The following CTNNA3 variants were observed in gnomAD, a reference collection of about 807,000 sequenced individuals.
CTNNA3 encodes the protein catenin alpha-3.
A neutral mutation model predicts 95.7 loss-of-function variants in CTNNA3; 76 were observed. The observed-to-expected ratio is 0.79, with a 90% CI of 0.66 to 0.96. The LOEUF (loss-of-function observed/expected upper bound fraction) is 0.96, where lower values mean the gene tolerates loss of function less well. Ranked by LOEUF, CTNNA3 falls within the 40% of genes least tolerant of loss-of-function variation. CTNNA3 has a pLI of 0.00. For missense variants in CTNNA3, 1,191 were observed against 1,089.8 expected (o/e 1.09, Z -1.31); for synonymous variants, 431 against 374.4 (o/e 1.15, Z -1.74).
At chr10:66,434,440 CTGTT>C (rs1220186262) in intron 11 of CTNNA3, among the ~76,000 whole-genome samples, 3 of 152,050 alleles carry the variant, frequency 2.0e-5, no homozygotes, top group East Asian at 1.9e-4. Flanking sequence ...ATTTGGCTCT[CTGTT>C]TGTCTATTAT....
intron 11 of CTNNA3, among the ~76,000 whole-genome samples, chr10:66,480,698 A>G (rs146403161): frequency 0.015 from 2,297 of 152,098 alleles, 32 homozygotes; most frequent in East Asian, 0.067. Context: ...TCCGTCTCAC[A>G]GGTTCAGCTG....
At chr10:67,275,459 G>A (rs994955931) in intron 5 of CTNNA3, among the ~76,000 whole-genome samples, 1 of 152,084 alleles carries the variant, frequency 6.6e-6, no homozygotes, top group African/African-American at 2.4e-5. Context: ...AAAATAAAGA[G>A]CCTTAAATAT....
rs933386238 is a variant in CTNNA3, at chr10:66,991,847, C to G, written c.1047+188470G>C. ...ATGCCAGAATAATATCAAATACTTT[C>G]ATTTAATCAGTTATGATTATTTTAT... On this transcript the variant is annotated intron_variant, in intron 7 of 17. Transcript: ENST00000433211. 3.9e-5 allele frequency among the ~76,000 whole-genome samples: 6 copies of G among 152,286 alleles called. No homozygotes were observed. The East Asian group carries it at 1.2e-3, about 29-fold the overall frequency.
chr10:66,046,552 G>A (rs1436336893), intron 15 of CTNNA3, among the ~76,000 whole-genome samples: 1 of 151,846 alleles, frequency 6.6e-6, no homozygotes, highest in Non-Finnish European at 1.5e-5. Flanking sequence ...TCTCACAACT[G>A]AAAAAATTAG....
intron 9 of CTNNA3, among the ~76,000 whole-genome samples, chr10:66,741,457 G>A (rs34945268): frequency 0.023 from 3,427 of 152,276 alleles, 155 homozygotes; most frequent in East Asian, 0.2. Flanking sequence ...AGGCTGGGCC[G>A]AGATGGGTAA....
intron 15 of CTNNA3, among the ~76,000 whole-genome samples, chr10:66,047,784 T>G (rs6480132): frequency 0.52 from 79,589 of 151,894 alleles, 21,212 homozygotes; most frequent in South Asian, 0.59. Flanking sequence ...AAAGTTGCAG[T>G]ATATAAAATC....
chr10:66,967,983 T>G (rs1350905495), intron 7 of CTNNA3, among the ~76,000 whole-genome samples: 1 of 152,092 alleles, frequency 6.6e-6, no homozygotes, highest in Non-Finnish European at 1.5e-5. Context: ...GCTACTGAAT[T>G]GGATTTGTCC....
intron 5 of CTNNA3, among the ~76,000 whole-genome samples, chr10:67,445,374 T>C (rs938926304): frequency 1.3e-5 from 2 of 151,374 alleles, no homozygotes; most frequent in African/African-American, 2.4e-5. Flanking sequence ...AATCAAATGA[T>C]GTAGAGGAGC....
intron 7 of CTNNA3, among the ~76,000 whole-genome samples, chr10:67,042,610 G>T (rs1433806351): frequency 6.6e-6 from 1 of 151,890 alleles, no homozygotes; most frequent in African/African-American, 2.4e-5. Context: ...GAAGCTAGGA[G>T]GAGAAAGGAA....
At chr10:66,062,242 A>G (rs188171741) in intron 15 of CTNNA3, among the ~76,000 whole-genome samples, 30 of 152,314 alleles carry the variant, frequency 2.0e-4, no homozygotes, top group Non-Finnish European at 2.6e-4. Flanking sequence ...TTTGAATAAA[A>G]TGAGAAAACA....
chr10:67,756,069 C>T (rs759039230), intron 1 of CTNNA3, among the ~76,000 whole-genome samples: 3 of 151,916 alleles, frequency 2.0e-5, no homozygotes, highest in Non-Finnish European at 4.4e-5. Flanking sequence ...CACAGAAAGA[C>T]AGATATTGCA....
chr10:67,611,317 CT>C (rs758580479), intron 2 of CTNNA3, among the ~76,000 whole-genome samples: 181 of 143,958 alleles, frequency 1.3e-3, no homozygotes, highest in South Asian at 2.2e-3. Context: ...AATATGTTGA[CT>C]TTTTTTTTTT....
chr10:66,484,677 C>G (rs1319443068), intron 11 of CTNNA3, among the ~76,000 whole-genome samples: 4 of 151,924 alleles, frequency 2.6e-5, no homozygotes, highest in African/African-American at 9.6e-5. Flanking sequence ...TCCTTTAAAT[C>G]AGTAACCGAA....
At chr10:67,109,491 C>T (rs953933499) in intron 7 of CTNNA3, among the ~76,000 whole-genome samples, 1 of 152,080 alleles carries the variant, frequency 6.6e-6, no homozygotes, top group Non-Finnish European at 1.5e-5. Context: ...TAAGATGAAC[C>T]AAAGTAGTAT....
intron 15 of CTNNA3, among the ~76,000 whole-genome samples, chr10:66,024,085 ATTTTTTT>A (rs71474007): frequency 3.4e-5 from 3 of 87,750 alleles, no homozygotes; most frequent in African/African-American, 4.3e-5. Flanking sequence ...TACCATACAC[ATTTTTTT>A]TTTTTTTTTT....
rs187941223 is a variant in CTNNA3, at chr10:66,170,281, C to G, written c.1885-67032G>C. 2.7e-3 allele frequency among the ~76,000 whole-genome samples: 334 copies of G among 122,746 alleles called. 1 individual carries two copies. The highest frequency in any genetic ancestry group is 0.012 in the Admixed American group (116 of 9,942). The allele number at this position is 122,746 out of a possible 152,430, so 80.5% of individuals were successfully genotyped here. On this transcript the variant is annotated intron_variant, in intron 13 of 17. Transcript: ENST00000433211. ...TTTTTTTTTTTAGATGGTAGAATAG[C>G]TCTGAACAACAGAGACTTTGGAACA...
At chr10:66,923,472 G>A (rs1476920783) in intron 7 of CTNNA3, among the ~76,000 whole-genome samples, 1 of 152,210 alleles carries the variant, frequency 6.6e-6, no homozygotes, top group Non-Finnish European at 1.5e-5. Flanking sequence ...CAACAGAGGT[G>A]TGAGAGAGAA....
chr10:67,164,720 A>G (rs1589812975), intron 7 of CTNNA3, among the ~76,000 whole-genome samples: 1 of 152,214 alleles, frequency 6.6e-6, no homozygotes, highest in Admixed American at 6.5e-5. Context: ...CTATTAGAAA[A>G]TAGGCAAAAA....
chr10:66,467,937 C>T (rs1481950563), intron 11 of CTNNA3, among the ~76,000 whole-genome samples: 1 of 151,130 alleles, frequency 6.6e-6, no homozygotes, highest in East Asian at 1.9e-4. Context: ...CTTTTTTTTC[C>T]CCAACTAGAA....
Sources: allele counts gnomAD v4.1 joint callset (sites outside exome capture counted in the v4.1 genomes callset), GRCh38; gene constraint gnomAD v4.1.1; transcripts MANE v1.5; gene names NCBI Gene and HGNC (gene_info 2026-07-23, HGNC 2026-07-21).